The following DCBLD1 variants were observed in gnomAD, a reference collection of about 807,000 sequenced individuals.
DCBLD1 encodes discoidin, CUB and LCCL domain-containing protein 1.
DCBLD1 carries 57 observed loss-of-function variants against 71.5 expected under a neutral mutation model. The observed-to-expected ratio is 0.80, with a 90% CI of 0.64 to 0.99. The LOEUF is 0.99. Ranked by LOEUF, DCBLD1 falls within the 50% of genes least tolerant of loss-of-function variation. The probability of loss-of-function intolerance (pLI) is 0.00; values close to 1 mark genes in which losing one functional copy is unlikely to be tolerated. For synonymous variants in DCBLD1, 380 were observed against 363.8 expected, an observed-to-expected ratio of 1.04 and a Z score of -0.51; for missense variants, 891 against 923.5, an observed-to-expected ratio of 0.96 and a Z score of 0.46.
chr6:117,487,646 A>G (rs75757849), intron 1 of DCBLD1, among the ~76,000 whole-genome samples: 4,630 of 152,268 alleles, frequency 0.03, 241 homozygotes, highest in African/African-American at 0.1. Flanking sequence ...AAAAGAAATT[A>G]AAACCTGGAC....
At chr6:117,560,168 CAATATTTAT>C (rs1779555481) in intron 14 of DCBLD1, 1 of 159,486 alleles carries the variant, frequency 6.3e-6, no homozygotes, top group Non-Finnish European at 1.4e-5. Context: ...CAACAGCTGG[CAATATTTAT>C]AACACAAAAT....
chr6:117,532,198 A>C (rs1778745871), intron 5 of DCBLD1, 62 bp from the exon 6 acceptor site: 3 of 1,521,528 alleles, frequency 2.0e-6, no homozygotes, highest in Middle Eastern at 3.5e-4. Flanking sequence ...AAAATAGAAA[A>C]CTCCAACTAT....
intron 2 of DCBLD1, among the ~76,000 whole-genome samples, chr6:117,518,735 T>C (rs1778289454): frequency 6.6e-6 from 1 of 152,158 alleles, no homozygotes; most frequent in African/African-American, 2.4e-5. Context: ...ACTTATTCAC[T>C]GTCATGAGAA....
chr6:117,538,084 A>G (rs1433371838), intron 7 of DCBLD1, among the ~76,000 whole-genome samples: 1 of 152,256 alleles, frequency 6.6e-6, no homozygotes, highest in Non-Finnish European at 1.5e-5. Context: ...CAAGGAAAAC[A>G]CTACAAATAT....
intron 6 of DCBLD1, among the ~76,000 whole-genome samples, chr6:117,536,191 A>G (rs530689122): frequency 6.6e-6 from 1 of 152,340 alleles, no homozygotes; most frequent in South Asian, 2.1e-4. Context: ...TCCCATCTAT[A>G]ATTCAGAATT....
At chr6:117,509,928 T>G (rs1336929310) in intron 2 of DCBLD1, among the ~76,000 whole-genome samples, 1 of 152,194 alleles carries the variant, frequency 6.6e-6, no homozygotes, top group Non-Finnish European at 1.5e-5. Flanking sequence ...TCAATTTGGT[T>G]GTTTTATTTA....
chr6:117,482,700 G>A lies in DCBLD1; in HGVS notation c.-82G>A. 7.3e-6 allele frequency: 8 copies of A among 1,094,858 alleles called. No individual in the cohort carries two copies. The highest frequency in any genetic ancestry group is 8.9e-6 in the Non-Finnish European group (8 of 901,266). The allele number at this position is 1,094,858 out of a possible 1,614,324, so 67.8% of individuals were successfully genotyped here. A position where few individuals can be genotyped will look rare whatever the true frequency, so the allele number is the denominator to read the frequency against. On this transcript the variant is annotated 5_prime_UTR_variant, in exon 1 of 15. Coordinates refer to ENST00000338728, the MANE Select transcript of DCBLD1 (RefSeq NM_001366458.2). ...TCCCGGCGCCGCGCTCGTCCGCAGA[G>A]GAGGCGGCCCGGCCCGGGCAGCTGC...
chr6:117,516,323 T>G (rs1001947828), intron 2 of DCBLD1, among the ~76,000 whole-genome samples: 1 of 150,114 alleles, frequency 6.7e-6, no homozygotes, highest in South Asian at 2.1e-4. Context: ...ATCATGCCAC[T>G]GCACTCCAGC....
intron 1 of DCBLD1, among the ~76,000 whole-genome samples, chr6:117,486,780 A>G (rs1027671340): frequency 6.6e-6 from 1 of 152,218 alleles, no homozygotes; most frequent in Non-Finnish European, 1.5e-5. Flanking sequence ...TCTCTAGAGC[A>G]GGGATCCCTA....
chr6:117,500,483 A>G (rs1178016870), intron 1 of DCBLD1, among the ~76,000 whole-genome samples: 1 of 152,204 alleles, frequency 6.6e-6, no homozygotes, highest in Non-Finnish European at 1.5e-5. Context: ...ACTTGCCTGC[A>G]TTGTGCCAGC....
chr6:117,515,774 A>G (rs1344295483), intron 2 of DCBLD1, among the ~76,000 whole-genome samples: 3 of 152,202 alleles, frequency 2.0e-5, no homozygotes. Flanking sequence ...TCTCCATAGT[A>G]TTTAAAAGTG....
chr6:117,497,954 C>T (rs1056917463), intron 1 of DCBLD1, among the ~76,000 whole-genome samples: 27 of 152,118 alleles, frequency 1.8e-4, no homozygotes, highest in African/African-American at 5.6e-4. Context: ...TTAAATATTA[C>T]ACATCTATGT....
intron 1 of DCBLD1, among the ~76,000 whole-genome samples, chr6:117,499,245 A>AAAAAAAG (rs1777570132): frequency 6.6e-6 from 1 of 150,444 alleles, no homozygotes; most frequent in Non-Finnish European, 1.5e-5. Context: ...TCTACCAAAA[A>AAAAAAAG]AAAAAAAAAA....
chr6:117,491,694 C>T (rs766487396), intron 1 of DCBLD1, among the ~76,000 whole-genome samples: 6 of 152,134 alleles, frequency 3.9e-5, no homozygotes, highest in Non-Finnish European at 7.4e-5. Flanking sequence ...AAGATCCAAA[C>T]AAGGTCTACA....
At chr6:117,504,361 A>T (rs1000450943) in intron 2 of DCBLD1, among the ~76,000 whole-genome samples, 1 of 152,252 alleles carries the variant, frequency 6.6e-6, no homozygotes, top group African/African-American at 2.4e-5. Context: ...GTGAAAAAAC[A>T]AAGTTCCTCT....
intron 11 of DCBLD1, among the ~76,000 whole-genome samples, chr6:117,542,338 A>T (rs1029030042): frequency 6.6e-6 from 1 of 151,972 alleles, no homozygotes; most frequent in South Asian, 2.1e-4. Flanking sequence ...CACTTCTGTT[A>T]CTTATACACA....
At chr6:117,520,176 T>C (rs140995078) in intron 3 of DCBLD1, among the ~76,000 whole-genome samples, 180 of 152,270 alleles carry the variant, frequency 1.2e-3, no homozygotes, top group African/African-American at 4.2e-3. Flanking sequence ...AGAAGAAGAA[T>C]TGTCTTGGGG....
In DCBLD1 at chr6:117,547,999, G is replaced by T; in HGVS notation, c.1708G>T (p.Val570Leu). 2 of 1,550,530 alleles carry T rather than the reference G, an allele frequency of 1.3e-6. No individual in the cohort carries two copies. Among genetic ancestry groups the T allele is most frequent in the Non-Finnish European group, 1.7e-6 (2 of 1,146,932 alleles). ...PMDTDAEEAGVSTDAGGHYDC... is the reference protein window; with the variant it reads ...PMDTDAEEAGLSTDAGGHYDC... ...GGACACGGATGCCGAGGAGGCAGGG[G>T]TGAGCACCGATGCCGGCGGCCACTA... Residue 570 changes from valine to leucine, a missense_variant, in exon 15 of 15, where the codon GTG (valine) becomes TTG (leucine). Coordinates refer to ENST00000338728, the MANE Select transcript of DCBLD1 (RefSeq NM_001366458.2).
intron 1 of DCBLD1, among the ~76,000 whole-genome samples, chr6:117,496,474 A>C (rs934829048): frequency 1.3e-5 from 2 of 152,206 alleles, no homozygotes; most frequent in African/African-American, 4.8e-5. Context: ...AATTAATGAT[A>C]TCTTGGAAAA....
Sources: gnomAD v4.1 joint callset for allele counts (sites outside exome capture counted in the v4.1 genomes callset) on GRCh38, gnomAD v4.1.1 for gene constraint, MANE v1.5 for transcripts, NCBI Gene and HGNC (gene_info 2026-07-23, HGNC 2026-07-21) for gene names.